The following ITSN1 variants were observed in gnomAD, a reference collection of about 807,000 sequenced individuals.
ITSN1 encodes intersectin 1, also known as intersectin-1.
In ITSN1, 58 loss-of-function variants were observed where a neutral mutation model predicts 239.8. That is an observed-to-expected ratio of 0.24 (90% CI 0.20 to 0.30). ITSN1 has a LOEUF of 0.30. Among genes scored for constraint, ITSN1 ranks in the 10% least tolerant of loss-of-function variants. ITSN1 has a pLI of 1.00. For synonymous variants in ITSN1, 780 were observed against 770.8 expected, an observed-to-expected ratio of 1.01 and a Z score of -0.20; for missense variants, 1,558 against 2,103.3, an observed-to-expected ratio of 0.74 and a Z score of 5.07.
chr21:33,676,465 C>G (rs904777368), intron 1 of ITSN1, among the ~76,000 whole-genome samples: 10 of 152,176 alleles, frequency 6.6e-5, no homozygotes, highest in African/African-American at 2.4e-4. Context: ...TGGGCTCAAG[C>G]AAACCTCCCA....
intron 29 of ITSN1, chr21:33,837,165 C>A: frequency 7.3e-7 from 1 of 1,363,096 alleles, no homozygotes; most frequent in Non-Finnish European, 9.4e-7. Flanking sequence ...CTCATTTTAC[C>A]TTAGTTGCAT....
Position 33,886,476 on chromosome 21 carries a change from C to T in ITSN1, c.5017+16C>T, listed in dbSNP as rs1281341993. ...TCACCAGATGGTGAGTGGAACGCGG[C>T]CCTGTGGTTATTCCTCCTTCCCTGG... On this transcript the variant is annotated intron_variant, in intron 39 of 39. Coordinates refer to ENST00000381318, the MANE Select transcript of ITSN1 (RefSeq NM_003024.3). The T allele has an allele frequency of 1.3e-6, 2 of 1,525,918 alleles. No homozygotes were observed. The highest frequency in any genetic ancestry group is 8.8e-7 in the Non-Finnish European group (1 of 1,135,500). 94.5% of individuals were successfully genotyped at this position (1,525,918 alleles called of 1,614,324 possible).
At chr21:33,791,684 A>G (rs180902081) in intron 16 of ITSN1, among the ~76,000 whole-genome samples, 415 of 152,294 alleles carry the variant, frequency 2.7e-3, no homozygotes, top group Non-Finnish European at 4.6e-3. Context: ...TAGAAAGGAA[A>G]TGTGCGGTAT....
intron 33 of ITSN1, among the ~76,000 whole-genome samples, chr21:33,869,786 G>A (rs909670452): frequency 2.6e-5 from 4 of 151,972 alleles, no homozygotes; most frequent in Admixed American, 1.3e-4. Context: ...TGCTACTGGG[G>A]TGATTTTGTT....
chr21:33,824,805 C>A (rs949288404), intron 25 of ITSN1, among the ~76,000 whole-genome samples: 2 of 152,126 alleles, frequency 1.3e-5, no homozygotes, highest in African/African-American at 2.4e-5. Flanking sequence ...TTTCTTGCTG[C>A]GGTCTTGAGA....
At chr21:33,672,477 T>G (rs1435579040) in intron 1 of ITSN1, among the ~76,000 whole-genome samples, 1 of 152,064 alleles carries the variant, frequency 6.6e-6, no homozygotes, top group Non-Finnish European at 1.5e-5. Context: ...ACTGAAATAA[T>G]AAGAATTGGC....
chr21:33,885,446 C>G lies in ITSN1; in HGVS notation c.4767C>G (p.Ser1589=). 6.2e-7 allele frequency: 1 copy of G among 1,614,038 alleles called. No homozygotes were observed. The highest frequency in any genetic ancestry group is 8.5e-7 in the Non-Finnish European group (1 of 1,179,986). ...TTTTTCCTGCCGTCATAGTCCGTTC[C>G]CAAAGGGCAACAGGCATTGGAAGGT... ...KKREKAYLVR[S]QRATGIGRLM... is the part of the protein sequence containing the mutation. The change falls in exon 38 of 40, where the codon TCC becomes TCG. Residue 1589 remains serine (S), a synonymous_variant. Transcript: ENST00000381318.
In ITSN1 at chr21:33,750,931, A is replaced by G. The variant is rs577878627; in HGVS notation, c.526+609A>G. On this transcript the variant is annotated intron_variant, in intron 6 of 39. Transcript: ENST00000381318. ...TCTAACATCTTAATGAATTCATATC[A>G]ATATGGAAAGTATTATTTTTAAAGT... Among the ~76,000 whole-genome samples the G allele has an allele frequency of 3.3e-5, 5 of 152,354 alleles. No individual in the cohort carries two copies. The East Asian group carries it at 7.7e-4, about 23-fold the overall frequency.
At chr21:33,804,945 C>T (rs1250229409) in intron 20 of ITSN1, among the ~76,000 whole-genome samples, 1 of 152,230 alleles carries the variant, frequency 6.6e-6, no homozygotes, top group African/African-American at 2.4e-5. Flanking sequence ...GGGCCACATG[C>T]AGCCAGTGGG....
At chr21:33,723,115 A>G (rs935486263) in intron 4 of ITSN1, among the ~76,000 whole-genome samples, 4 of 152,250 alleles carry the variant, frequency 2.6e-5, no homozygotes, top group Admixed American at 6.5e-5. Flanking sequence ...ACTATCACAA[A>G]TAGGCATTCA....
intron 1 of ITSN1, among the ~76,000 whole-genome samples, chr21:33,688,666 C>T (rs2091363826): frequency 6.6e-6 from 1 of 152,030 alleles, no homozygotes; most frequent in Non-Finnish European, 1.5e-5. Context: ...CAGAAAAAAT[C>T]CACTGAGACC....
rs374626338 is a variant in ITSN1, at chr21:33,690,716, G to T, written c.-32-28081G>T. 1.3e-3 allele frequency among the ~76,000 whole-genome samples: 173 copies of T among 137,328 alleles called. 1 individual carries two copies. In the East Asian group the frequency reaches 0.029, roughly 23 times the overall value. 90.1% of individuals were successfully genotyped at this position (137,328 alleles called of 152,430 possible). A position where few individuals can be genotyped will look rare whatever the true frequency, so the allele number is the denominator to read the frequency against. ...GTGGAGGTTGCAGTGAGCTGAGATT[G>T]CACCATTGCACTCCAGCCTGGGCAA... On this transcript the variant is annotated intron_variant, in intron 1 of 39. Coordinates refer to ENST00000381318, the MANE Select transcript of ITSN1 (RefSeq NM_003024.3).
In ITSN1 at chr21:33,672,342, G is replaced by A. The variant is rs547305570; in HGVS notation, c.-33+29629G>A. ...ATACAATTAGTACAATCTCAGGTAA[G>A]ATGCAAACAATGTATACTCATAAGT... On this transcript the variant is annotated intron_variant, in intron 1 of 39. Transcript: ENST00000381318. Among the ~76,000 whole-genome samples the A allele has an allele frequency of 3.3e-5, 5 of 152,216 alleles. No individual in the cohort carries two copies. In the East Asian group the frequency reaches 9.6e-4, roughly 29 times the overall value.
Position 33,761,997 on chromosome 21 carries a change from A to C in ITSN1, c.788+11A>C, listed in dbSNP as rs757541063. The C allele has an allele frequency of 3.1e-6, 5 of 1,603,416 alleles. No individual in the cohort carries two copies. In the African/African-American group the frequency reaches 6.7e-5, roughly 21 times the overall value. ...GCTGGCTTCAATATGGTAAGGAATG[A>C]AAAGTTCTTTGGTTTGGATAAAGTG... On this transcript the variant is annotated intron_variant, in intron 9 of 39. Coordinates refer to ENST00000381318, the MANE Select transcript of ITSN1 (RefSeq NM_003024.3).
chr21:33,877,649 T>C (rs115274100), intron 34 of ITSN1, among the ~76,000 whole-genome samples: 2,371 of 152,260 alleles, frequency 0.016, 66 homozygotes, highest in African/African-American at 0.053. Flanking sequence ...ACCCCTCACG[T>C]TGGCTCTGGA....
chr21:33,842,752 A>C (rs753583820), intron 29 of ITSN1, among the ~76,000 whole-genome samples: 3 of 152,180 alleles, frequency 2.0e-5, no homozygotes, highest in South Asian at 4.1e-4. Context: ...ATTTTGACTC[A>C]GACTATCATG....
intron 1 of ITSN1, among the ~76,000 whole-genome samples, chr21:33,715,994 C>T (rs1230895068): frequency 6.6e-6 from 1 of 152,080 alleles, no homozygotes; most frequent in Non-Finnish European, 1.5e-5. Flanking sequence ...GTAAAGGAGA[C>T]AGTGACCAAA....
chr21:33,669,972 C>T (rs1422625850), intron 1 of ITSN1, among the ~76,000 whole-genome samples: 1 of 152,196 alleles, frequency 6.6e-6, no homozygotes. Flanking sequence ...CACTCTCACT[C>T]AGGTGTTGCC....
At chr21:33,803,382 G>A (rs1341797963) in intron 20 of ITSN1, among the ~76,000 whole-genome samples, 2 of 152,140 alleles carry the variant, frequency 1.3e-5, no homozygotes, top group Non-Finnish European at 2.9e-5. Flanking sequence ...GTACATGGAT[G>A]TTCACTGCAG....
Sources: allele counts gnomAD v4.1 joint callset (sites outside exome capture counted in the v4.1 genomes callset), GRCh38; gene constraint gnomAD v4.1.1; transcripts MANE v1.5; gene names NCBI Gene and HGNC (gene_info 2026-07-23, HGNC 2026-07-21).